LAMC1: variants seen among roughly 807,000 people sequenced by gnomAD.
The protein encoded by LAMC1 is laminin subunit gamma 1.
A neutral mutation model predicts 173.6 loss-of-function variants in LAMC1; 38 were observed. That is an observed-to-expected ratio of 0.22 (90% CI 0.17 to 0.29). LAMC1 has a LOEUF of 0.29. LAMC1 is among the 10% of genes least tolerant of loss of function. The pLI is 1.00. For missense variants in LAMC1, 1,824 were observed against 2,051.8 expected (o/e 0.89, Z 2.14); for synonymous variants, 746 against 749.1 (o/e 1.00, Z 0.07).
At chr1:183,133,943 ATAC>A (rs1368332056) in intron 22 of LAMC1, among the ~76,000 whole-genome samples, 1 of 152,246 alleles carries the variant, frequency 6.6e-6, no homozygotes, top group Non-Finnish European at 1.5e-5. Context: ...AATTATAATA[ATAC>A]ATTTGAATTG....
At chr1:183,116,172 G>A (rs1229441358) in intron 6 of LAMC1, among the ~76,000 whole-genome samples, 1 of 151,022 alleles carries the variant, frequency 6.6e-6, no homozygotes, top group Non-Finnish European at 1.5e-5. Context: ...TGTTCTATGT[G>A]TATTTCTTTT....
At chr1:183,103,223 A>T in intron 1 of LAMC1, 105 bp from the exon 2 acceptor site, 1 of 1,082,524 alleles carries the variant, frequency 9.2e-7, no homozygotes, top group Non-Finnish European at 1.4e-6. Context: ...TGATGTGTAC[A>T]AGGAGATTTA....
At chr1:183,111,347 A>G (rs1238215177) in intron 4 of LAMC1, among the ~76,000 whole-genome samples, 3 of 152,072 alleles carry the variant, frequency 2.0e-5, no homozygotes, top group Non-Finnish European at 4.4e-5. Flanking sequence ...TTGGCCTCCT[A>G]AAGTGCTGGG....
chr1:183,120,840 G>A (rs1330207209), intron 11 of LAMC1, among the ~76,000 whole-genome samples: 2 of 152,032 alleles, frequency 1.3e-5, no homozygotes, highest in Non-Finnish European at 2.9e-5. Flanking sequence ...GTTTTTTGGG[G>A]GGTTTTTTGG....
intron 4 of LAMC1, among the ~76,000 whole-genome samples, chr1:183,113,302 C>T (rs949250102): frequency 1.4e-4 from 22 of 152,016 alleles, no homozygotes; most frequent in African/African-American, 5.1e-4. Context: ...GAGACCCTGT[C>T]TCCAAAAAAC....
At chr1:183,134,577 G>T in intron 22 of LAMC1, 83 bp from the exon 23 acceptor site, 2 of 1,021,210 alleles carry the variant, frequency 2.0e-6, no homozygotes, top group South Asian at 1.6e-5. Flanking sequence ...TTGAGTATTA[G>T]GTGTTACAGA....
chr1:183,107,779 G>C (rs565670909), intron 2 of LAMC1, among the ~76,000 whole-genome samples: 114 of 152,108 alleles, frequency 7.5e-4, no homozygotes, highest in Admixed American at 2.4e-3. Context: ...GCAGTGAGCT[G>C]AGATCACGCC....
intron 26 of LAMC1, chr1:183,138,284 G>C: frequency 1.4e-6 from 1 of 719,946 alleles, no homozygotes; most frequent in Non-Finnish European, 1.7e-6. Context: ...CTTACATCTA[G>C]TTTAATTTTT....
At position 183,130,414 on chromosome 1, in the gene LAMC1, A is replaced by G; in HGVS notation, c.3351A>G (p.Leu1117=). ...NNTLSSQISR[L]QNIRNTIEET... ...CTCTGTCCAGCCAAATTAGCCGTTT[A>G]CAGAATATCCGGAATACCATTGAAG... The change falls in exon 19 of 28, where the codon TTA becomes TTG. Residue 1117 remains leucine, a synonymous_variant. Coordinates refer to ENST00000258341, the MANE Select transcript of LAMC1 (RefSeq NM_002293.4). 6.2e-7 allele frequency: 1 copy of G among 1,614,242 alleles called. No individual in the cohort carries two copies. The highest frequency in any genetic ancestry group is 1.1e-5 in the South Asian group (1 of 91,082).
At chr1:183,119,648 T>G (rs1327426952) in intron 11 of LAMC1, among the ~76,000 whole-genome samples, 1 of 151,854 alleles carries the variant, frequency 6.6e-6, no homozygotes, top group African/African-American at 2.4e-5. Context: ...GGTGAGAGGA[T>G]CACGTGCACT....
chr1:183,087,720 AG>A (rs1036419205), intron 1 of LAMC1, among the ~76,000 whole-genome samples: 3 of 152,210 alleles, frequency 2.0e-5, no homozygotes, highest in African/African-American at 7.2e-5. Flanking sequence ...ATAGAGGACT[AG>A]AGGCTTCTTT....
intron 1 of LAMC1, among the ~76,000 whole-genome samples, chr1:183,092,644 G>C (rs1189873872): frequency 1.3e-5 from 2 of 152,150 alleles, no homozygotes; most frequent in African/African-American, 2.4e-5. Context: ...AGAGCGCCTG[G>C]GGGTTTTGAA....
Position 183,110,639 on chromosome 1 carries a change from G to A in LAMC1, c.1006G>A (p.Ala336Thr), listed in dbSNP as rs771553252. 3.7e-6 allele frequency: 6 copies of A among 1,613,804 alleles called. No homozygotes were observed. Among genetic ancestry groups the A allele is most frequent in the South Asian group, 1.1e-5 (1 of 91,024 alleles). The change falls in exon 4 of 28, where the codon GCC (alanine) becomes ACC (threonine). Residue 336 changes from alanine (A) to threonine (T), a missense_variant. Transcript: ENST00000258341. The stretch of plus-strand genomic sequence containing the variant: ...GTGGAGGAGGGCAACTGCGGAAAGT[G>A]CCAGTGAATGCCTGCGTGAGTGCCC... ...RPWRRATAES[A>T]SECLPCDCNG...
intron 1 of LAMC1, among the ~76,000 whole-genome samples, chr1:183,027,417 G>C (rs533739972): frequency 7.9e-5 from 12 of 152,286 alleles, no homozygotes; most frequent in African/African-American, 2.9e-4. Context: ...TGGGGTAGTA[G>C]TTGATACTAA....
At chr1:183,138,318 C>T in intron 26 of LAMC1, 1 of 373,546 alleles carries the variant, frequency 2.7e-6, no homozygotes, top group Non-Finnish European at 3.7e-6. Flanking sequence ...AATGTGTATG[C>T]AAGGTACTAT....
At chr1:183,046,444 T>A (rs1212194382) in intron 1 of LAMC1, among the ~76,000 whole-genome samples, 2 of 138,404 alleles carry the variant, frequency 1.4e-5, no homozygotes, top group African/African-American at 6.3e-5. Context: ...TATTATTGAT[T>A]TTTTTCTCCA....
At chr1:183,114,353 G>A (rs749248769) in intron 4 of LAMC1, among the ~76,000 whole-genome samples, 178 bp from the exon 5 acceptor site, 7 of 152,222 alleles carry the variant, frequency 4.6e-5, no homozygotes, top group Non-Finnish European at 1.0e-4. Flanking sequence ...TTATAGGCAT[G>A]AGCCACTGCA....
At chr1:183,141,246 T>C (rs946638851) in intron 27 of LAMC1, 2 of 152,162 alleles carry the variant, frequency 1.3e-5, no homozygotes, top group Non-Finnish European at 2.9e-5. Flanking sequence ...GAGTTTGAGG[T>C]GATAGTGAGC....
chr1:183,116,983 CTT>C, intron 8 of LAMC1, 80 bp downstream of exon 8: 1 of 1,373,718 alleles, frequency 7.3e-7, no homozygotes. Flanking sequence ...ATCAGTGACT[CTT>C]TGAGGGCTTT....
Sources: gnomAD v4.1 joint callset for allele counts (sites outside exome capture counted in the v4.1 genomes callset) on GRCh38, gnomAD v4.1.1 for gene constraint, MANE v1.5 for transcripts, NCBI Gene and HGNC (gene_info 2026-07-23, HGNC 2026-07-21) for gene names.